ADAP1: variants seen among roughly 807,000 people sequenced by gnomAD.
The protein encoded by ADAP1 is ArfGAP with dual PH domains 1, also known as arf-GAP with dual PH domain-containing protein 1.
ADAP1 carries 31 observed loss-of-function variants against 54.9 expected under a neutral mutation model. That is an observed-to-expected ratio of 0.56 (90% CI 0.42 to 0.76). ADAP1 has a LOEUF of 0.76. Among genes scored for constraint, ADAP1 ranks in the 30% least tolerant of loss-of-function variants. The pLI is 0.00. For missense variants in ADAP1, 535 were observed against 512.4 expected (o/e 1.04, Z -0.42); for synonymous variants, 313 against 202.6 (o/e 1.55, Z -4.63).
intron 3 of ADAP1, among the ~76,000 whole-genome samples, chr7:922,639 G>A (rs765494814): frequency 1.3e-4 from 19 of 151,980 alleles, no homozygotes; most frequent in Admixed American, 3.9e-4. Context: ...AGTTTCCACC[G>A]CATGGAGTTC....
At chr7:953,891 G>T (rs2128114027) in intron 1 of ADAP1, among the ~76,000 whole-genome samples, 1 of 152,262 alleles carries the variant, frequency 6.6e-6, no homozygotes, top group East Asian at 1.9e-4. Context: ...CCAGGTGCAG[G>T]GAGCCGGGGG....
intron 1 of ADAP1, among the ~76,000 whole-genome samples, chr7:947,436 A>G (rs1460329116): frequency 6.6e-6 from 1 of 151,806 alleles, no homozygotes; most frequent in Non-Finnish European, 1.5e-5. Context: ...TTTCCTCCAG[A>G]GCTGCCCGTG....
Position 898,983 on chromosome 7 carries a change from G to A in ADAP1, c.1097-34C>T, listed in dbSNP as rs201298908. The A allele has an allele frequency of 2.9e-4, 464 of 1,610,386 alleles. 3 individuals are homozygous for A. Among genetic ancestry groups the A allele is most frequent in the South Asian group, 2.2e-3 (196 of 90,982 alleles). ...GAACAGGGTCCAGCGTTGTCACAGCGGCGGGGAGCTGGGAGCCCTTCCAGG... is the reference window on the plus strand; with the variant it reads ...GAACAGGGTCCAGCGTTGTCACAGCAGCGGGGAGCTGGGAGCCCTTCCAGG... On this transcript the variant is annotated intron_variant, in intron 10 of 10. Coordinates refer to ENST00000265846, the MANE Select transcript of ADAP1 (RefSeq NM_006869.4).
chr7:918,723 A>T (rs1017129047), intron 4 of ADAP1, among the ~76,000 whole-genome samples: 11 of 152,272 alleles, frequency 7.2e-5, no homozygotes, highest in Non-Finnish European at 1.3e-4. Context: ...CCCTGTCGAC[A>T]CGGTGGAGAA....
chr7:944,582 T>G (rs550009302), intron 1 of ADAP1, among the ~76,000 whole-genome samples: 1 of 152,296 alleles, frequency 6.6e-6, no homozygotes, highest in East Asian at 1.9e-4. Context: ...ATCTTTAATT[T>G]TTGTGGGTAC....
At chr7:936,937 C>T (rs1846779270) in intron 1 of ADAP1, among the ~76,000 whole-genome samples, 1 of 152,328 alleles carries the variant, frequency 6.6e-6, no homozygotes, top group Non-Finnish European at 1.5e-5. Context: ...TGCCAGGCGG[C>T]GGAGGCCCAG....
chr7:906,711 GGACATCGGGGACGGGACATGGGGGACAGA>G (rs1845431482), intron 4 of ADAP1, among the ~76,000 whole-genome samples: 2 of 29,410 alleles, frequency 6.8e-5, no homozygotes, highest in African/African-American at 1.2e-4. Flanking sequence ...ATGGGGGACG[GGACATCGGGGACGGGACATGGGGGACAGA>G]GTACATAGGG....
intron 1 of ADAP1, among the ~76,000 whole-genome samples, chr7:951,594 G>C (rs987135122): frequency 6.6e-6 from 1 of 151,790 alleles, no homozygotes; most frequent in Non-Finnish European, 1.5e-5. Flanking sequence ...AATTAGCTGG[G>C]CATGGTGGCA....
intron 6 of ADAP1, 47 bp from the exon 7 acceptor site, chr7:900,663 C>CTGGGGTCCCCACAGAGGGGT (rs1241473691): frequency 7.2e-7 from 1 of 1,379,392 alleles, no homozygotes; most frequent in African/African-American, 1.5e-5. Flanking sequence ...GGCTGCAGCG[C>CTGGGGTCCCCACAGAGGGGT]TGGGGTCCCC....
chr7:904,913 C>T, intron 5 of ADAP1, 147 bp downstream of exon 5: 2 of 715,856 alleles, frequency 2.8e-6, no homozygotes, highest in Admixed American at 2.2e-5. Flanking sequence ...CTCAGCCCAA[C>T]ACAGGCCGGT....
intron 3 of ADAP1, chr7:923,186 G>T (rs956376659): frequency 6.6e-6 from 1 of 152,066 alleles, no homozygotes; most frequent in Non-Finnish European, 1.5e-5. Flanking sequence ...GCTCTGGGCC[G>T]CCGGGCATGT....
intron 4 of ADAP1, among the ~76,000 whole-genome samples, chr7:917,802 G>GCT (rs1235433082): frequency 1.3e-5 from 2 of 151,934 alleles, no homozygotes; most frequent in Non-Finnish European, 2.9e-5. Flanking sequence ...ACACACTCTC[G>GCT]CTCTGACGTC....
In ADAP1 at chr7:900,384, G is replaced by C. The variant is rs552656743; in HGVS notation, c.732+149C>G. ...TGAAGTTCTAGAGTGAGGCAGGAGG[G>C]CTGCAGGCACGTCAGGGTGAGCCCT... On this transcript the variant is annotated intron_variant, in intron 7 of 10. Coordinates refer to ENST00000265846, the MANE Select transcript of ADAP1 (RefSeq NM_006869.4). 14 of 973,136 alleles carry C rather than the reference G, an allele frequency of 1.4e-5. No homozygotes were observed. In the Admixed American group the frequency reaches 3.2e-4, roughly 22 times the overall value. The allele number at this position is 973,136 out of a possible 1,614,324, so 60.3% of individuals were successfully genotyped here.
intron 2 of ADAP1, among the ~76,000 whole-genome samples, chr7:928,570 C>G (rs1328974125): frequency 6.6e-6 from 1 of 152,196 alleles, no homozygotes; most frequent in African/African-American, 2.4e-5. Flanking sequence ...GACATTTCTC[C>G]AAAGAAGATG....
intron 4 of ADAP1, among the ~76,000 whole-genome samples, chr7:918,260 G>A (rs763759861): frequency 3.3e-5 from 5 of 151,772 alleles, no homozygotes; most frequent in Middle Eastern, 3.2e-3. Context: ...TCTGTCACCC[G>A]GCCTGGAGTG....
intron 4 of ADAP1, among the ~76,000 whole-genome samples, chr7:906,703 GGGGGAC>G (rs1845426442): frequency 1.1e-3 from 37 of 32,726 alleles, no homozygotes; most frequent in African/African-American, 4.8e-3. Flanking sequence ...ACATGGACAT[GGGGGAC>G]GGGACATCGG....
rs548595998 is a variant in ADAP1 at position 903,859 on chromosome 7, G to A, written c.648+267C>T. On this transcript the variant is annotated intron_variant, in intron 6 of 10. Coordinates refer to ENST00000265846, the MANE Select transcript of ADAP1 (RefSeq NM_006869.4). ...CAAGCTGGGTGGCCCCAGAGACAGC[G>A]TGGTGATCCGGCTCCTGGGCAGCCC... The A allele has an allele frequency of 3.3e-4, 135 of 411,532 alleles. 1 individual carries two copies. Among genetic ancestry groups the A allele is most frequent in the African/African-American group, 1.1e-3 (50 of 47,314 alleles). The allele number at this position is 411,532 out of a possible 1,614,324, so 25.5% of individuals were successfully genotyped here. A position where few individuals can be genotyped will look rare whatever the true frequency, so the allele number is the denominator to read the frequency against.
intron 4 of ADAP1, among the ~76,000 whole-genome samples, chr7:908,532 G>A (rs1041911872): frequency 3.3e-5 from 5 of 152,196 alleles, no homozygotes; most frequent in African/African-American, 4.8e-5. Flanking sequence ...TCCCATGGAA[G>A]AACCCCCTTC....
upstream of ADAP1, among the ~76,000 whole-genome samples, chr7:955,056 A>T (rs1453585145): frequency 6.6e-6 from 1 of 152,130 alleles, no homozygotes; most frequent in Non-Finnish European, 1.5e-5. Flanking sequence ...GACCAGGACC[A>T]GGGCGCTCAC....
Sources: gnomAD v4.1 joint callset for allele counts (sites outside exome capture counted in the v4.1 genomes callset) on GRCh38, gnomAD v4.1.1 for gene constraint, MANE v1.5 for transcripts, NCBI Gene and HGNC (gene_info 2026-07-23, HGNC 2026-07-21) for gene names.